Variants in DOCK1 observed in about 807,000 individuals in gnomAD.
DOCK1 encodes dedicator of cytokinesis protein 1.
Under a neutral mutation model 262.7 loss-of-function variants are expected in DOCK1, and 138 were observed. The observed-to-expected ratio is 0.53, with a 90% CI of 0.46 to 0.61. The LOEUF is 0.61. DOCK1 is among the 20% of genes least tolerant of loss of function. The pLI is 0.00. For synonymous variants in DOCK1, 866 were observed against 867.4 expected (o/e 1.00, Z 0.03); for missense variants, 1,908 against 2,370.7 (o/e 0.80, Z 4.05).
chr10:127,397,514 C>G (rs2066961740), intron 38 of DOCK1, among the ~76,000 whole-genome samples: 1 of 150,708 alleles, frequency 6.6e-6, no homozygotes, highest in Non-Finnish European at 1.5e-5. Context: ...GTGATCTGAG[C>G]ATGAGTTACA....
chr10:127,294,066 C>A (rs937238907), intron 29 of DOCK1, among the ~76,000 whole-genome samples: 7 of 152,156 alleles, frequency 4.6e-5, no homozygotes, highest in African/African-American at 7.2e-5. Context: ...CCCACGTTAC[C>A]CTCCAGGGCA....
At position 127,440,119 on chromosome 10, in the gene DOCK1, G is replaced by A. The variant is rs144372203; in HGVS notation, c.5259+894G>A. 2.4e-3 allele frequency among the ~76,000 whole-genome samples: 342 copies of A among 142,270 alleles called. 3 individuals are homozygous for A. The highest frequency in any genetic ancestry group is 8.3e-3 in the African/African-American group (323 of 38,752). The allele number at this position is 142,270 out of a possible 152,430, so 93.3% of individuals were successfully genotyped here. A position where few individuals can be genotyped will look rare whatever the true frequency, so the allele number is the denominator to read the frequency against. ...CTTTTATTCTTGGCTGAAGGCAGGG[G>A]AGGGGAGCAGGCGTGTCACATGGTG... On this transcript the variant is annotated intron_variant, in intron 49 of 51. Coordinates refer to ENST00000623213, the MANE Select transcript of DOCK1 (RefSeq NM_001290223.2).
chr10:126,965,131 A>G (rs2037565834), intron 1 of DOCK1, among the ~76,000 whole-genome samples: 1 of 152,216 alleles, frequency 6.6e-6, no homozygotes, highest in Non-Finnish European at 1.5e-5. Flanking sequence ...GGTGGCACAG[A>G]GTGTACAGGG....
chr10:126,946,884 A>G (rs1730616296), intron 1 of DOCK1, among the ~76,000 whole-genome samples: 1 of 152,184 alleles, frequency 6.6e-6, no homozygotes, highest in Non-Finnish European at 1.5e-5. Context: ...TCTTTGCTGG[A>G]GGAAGTGCGT....
At position 127,239,470 on chromosome 10, in the gene DOCK1, A is replaced by G. The variant is rs2059186752; in HGVS notation, c.2848-8538A>G. Among the ~76,000 whole-genome samples, 5 of 152,238 alleles carry G rather than the reference A, an allele frequency of 3.3e-5. No homozygotes were observed. The South Asian group carries it at 1.0e-3, about 32-fold the overall frequency. On this transcript the variant is annotated intron_variant, in intron 27 of 51. Transcript: ENST00000623213. ...AATGATGTGTGTGACATTTCTCCTTAATACATCATCCAACCAATGTTAACA... is the reference window on the plus strand; with the variant it reads ...AATGATGTGTGTGACATTTCTCCTTGATACATCATCCAACCAATGTTAACA...
At chr10:127,303,194 G>T (rs576018161) in intron 29 of DOCK1, among the ~76,000 whole-genome samples, 1 of 152,136 alleles carries the variant, frequency 6.6e-6, no homozygotes, top group East Asian at 1.9e-4. Context: ...CCTGGGTGGG[G>T]CAGGTGACAG....
At chr10:126,937,954 T>G (rs2034666906) in intron 1 of DOCK1, among the ~76,000 whole-genome samples, 1 of 152,198 alleles carries the variant, frequency 6.6e-6, no homozygotes, top group African/African-American at 2.4e-5. Context: ...TTCCCCTGTT[T>G]CCTGCTAAGA....
chr10:126,930,076 T>G (rs1039041611), intron 1 of DOCK1, among the ~76,000 whole-genome samples: 32 of 152,240 alleles, frequency 2.1e-4, no homozygotes, highest in African/African-American at 7.2e-4. Flanking sequence ...GTGTGGTCCT[T>G]GTGTCTGCCT....
chr10:126,940,969 A>G (rs1488421512), intron 1 of DOCK1, among the ~76,000 whole-genome samples: 1 of 152,240 alleles, frequency 6.6e-6, no homozygotes, highest in Non-Finnish European at 1.5e-5. Flanking sequence ...GTAGTCATGA[A>G]TCCATATATA....
chr10:127,076,251 C>T (rs573182858), intron 23 of DOCK1, among the ~76,000 whole-genome samples: 9 of 152,286 alleles, frequency 5.9e-5, no homozygotes, highest in South Asian at 4.1e-4. Context: ...CCTGTAATCC[C>T]GGCACTTTGG....
chr10:127,245,455 G>A (rs190940486), intron 27 of DOCK1, among the ~76,000 whole-genome samples: 46 of 152,270 alleles, frequency 3.0e-4, no homozygotes, highest in Admixed American at 3.3e-4. Context: ...AATCCCCATC[G>A]CAGTTAAACA....
At chr10:127,440,718 C>T (rs1036600894) in intron 49 of DOCK1, among the ~76,000 whole-genome samples, 6 of 152,222 alleles carry the variant, frequency 3.9e-5, no homozygotes, top group Admixed American at 1.3e-4. Flanking sequence ...CATGACTTGA[C>T]GTCCAACAGG....
At chr10:127,310,210 C>T (rs1392979132) in intron 29 of DOCK1, among the ~76,000 whole-genome samples, 3 of 152,060 alleles carry the variant, frequency 2.0e-5, no homozygotes, top group Non-Finnish European at 4.4e-5. Flanking sequence ...TGGTGAGAAT[C>T]GGACCTGGGA....
intron 27 of DOCK1, among the ~76,000 whole-genome samples, chr10:127,167,029 G>T (rs2054146486): frequency 6.6e-6 from 1 of 151,862 alleles, no homozygotes; most frequent in African/African-American, 2.4e-5. Context: ...CCCAAAGCAA[G>T]AATTTGAAAT....
rs1370318557 is a variant in DOCK1, at chr10:127,446,401, A to T, written c.5414-993A>T. On this transcript the variant is annotated intron_variant, in intron 50 of 51. Coordinates refer to ENST00000623213, the MANE Select transcript of DOCK1 (RefSeq NM_001290223.2). The surrounding 1 kb of genome is among the most constrained non-coding windows in gnomAD (Gnocchi z 4.4). ...TACATCATGGTGATGGTTATCCCCC[A>T]CGGTCGATGTGATTAATGCCACCAA... Among the ~76,000 whole-genome samples, 1 of 152,178 alleles carries T rather than the reference A, an allele frequency of 6.6e-6. No individual in the cohort carries two copies. Among genetic ancestry groups the T allele is most frequent in the African/African-American group, 2.4e-5 (1 of 41,442 alleles).
intron 27 of DOCK1, among the ~76,000 whole-genome samples, chr10:127,189,794 G>T (rs574955238): frequency 1.2e-4 from 19 of 152,312 alleles, no homozygotes; most frequent in African/African-American, 4.3e-4. Flanking sequence ...CGGTTAAGTG[G>T]ACACTGTGCA....
At chr10:127,252,194 G>T in intron 28 of DOCK1, among the ~76,000 whole-genome samples, 1 of 134,378 alleles carries the variant, frequency 7.4e-6, no homozygotes, top group Non-Finnish European at 1.7e-5. Flanking sequence ...CTTTTGAGAA[G>T]TGTCTGTTCA....
intron 1 of DOCK1, among the ~76,000 whole-genome samples, chr10:126,929,100 G>C (rs975786203): frequency 6.6e-6 from 1 of 152,200 alleles, no homozygotes. Flanking sequence ...TTCCATGGAA[G>C]CTTATTTGCA....
intron 27 of DOCK1, among the ~76,000 whole-genome samples, chr10:127,215,423 G>T (rs924417109): frequency 6.6e-6 from 1 of 152,170 alleles, no homozygotes; most frequent in South Asian, 2.1e-4. Context: ...CTGTTACTTG[G>T]CGCCAAGCAT....
Sources: allele counts gnomAD v4.1 joint callset (sites outside exome capture counted in the v4.1 genomes callset), GRCh38; gene constraint gnomAD v4.1.1; non-coding constraint Gnocchi (gnomAD v3.1); transcripts MANE v1.5; gene names NCBI Gene and HGNC (gene_info 2026-07-23, HGNC 2026-07-21).